Variants in RLN2 observed in about 807,000 individuals in gnomAD.
RLN2 encodes the protein relaxin 2.
RLN2 carries 10 observed loss-of-function variants against 7.3 expected under a neutral mutation model. The observed-to-expected ratio is 1.36, with a 90% CI of 0.84 to 2.31. The LOEUF (loss-of-function observed/expected upper bound fraction) is 2.31. RLN2 is among the 30% of genes most tolerant of loss of function. The pLI, the probability that RLN2 is intolerant of heterozygous loss-of-function variation, is 0.00. For missense variants in RLN2, 298 were observed against 217.6 expected, an observed-to-expected ratio of 1.37 and a Z score of -2.32; for synonymous variants, 103 against 82.3, an observed-to-expected ratio of 1.25 and a Z score of -1.36.
At chr9:5,310,573 T>C in the RLN2 span, among the ~76,000 whole-genome samples, 1 of 152,020 alleles carries the variant, frequency 6.6e-6, no homozygotes, top group East Asian at 1.9e-4. Flanking sequence ...ATAGCTTCAA[T>C]CGAACCTTTA....
the RLN2 span, among the ~76,000 whole-genome samples, chr9:5,331,636 G>A: frequency 6.6e-6 from 1 of 150,798 alleles, no homozygotes; most frequent in East Asian, 2.0e-4. Context: ...ATGGACACAG[G>A]GTGGGGAACA....
the RLN2 span, among the ~76,000 whole-genome samples, chr9:5,330,637 C>CAAAA: frequency 4.0e-5 from 3 of 74,738 alleles, no homozygotes; most frequent in African/African-American, 5.3e-5. Flanking sequence ...GACTCCATCT[C>CAAAA]AAAAAAAAAA....
At chr9:5,332,709 G>A in the RLN2 span, among the ~76,000 whole-genome samples, 12 of 151,564 alleles carry the variant, frequency 7.9e-5, no homozygotes, top group South Asian at 8.4e-4. Context: ...TGCAACTCCC[G>A]GGTTCAAGCG....
chr9:5,306,690 G>A (rs559336665), upstream of RLN2, among the ~76,000 whole-genome samples: 13 of 152,192 alleles, frequency 8.5e-5, 1 homozygote, highest in South Asian at 2.5e-3. Context: ...AATTGCTGGA[G>A]TTTGGGTTCC....
the RLN2 span, among the ~76,000 whole-genome samples, chr9:5,314,951 G>A: frequency 9.2e-5 from 14 of 151,848 alleles, no homozygotes; most frequent in African/African-American, 3.4e-4. Flanking sequence ...CTGGGCCAAT[G>A]CTATGCCATG....
chr9:5,333,287 AAAG>A, the RLN2 span, among the ~76,000 whole-genome samples: 10 of 151,932 alleles, frequency 6.6e-5, no homozygotes, highest in Non-Finnish European at 1.2e-4. Context: ...CAACACTGAT[AAAG>A]AAGAAAAAGG....
chr9:5,311,807 T>G, the RLN2 span: 1 of 682,968 alleles, frequency 1.5e-6, no homozygotes, highest in Admixed American at 2.4e-5. Flanking sequence ...ATGCAGAATT[T>G]TTTTTTTTAG....
At chr9:5,328,977 C>A in the RLN2 span, among the ~76,000 whole-genome samples, 57 of 152,030 alleles carry the variant, frequency 3.7e-4, no homozygotes, top group Admixed American at 1.4e-3. Flanking sequence ...ACTGCAAAAA[C>A]GTGCCAAATG....
chr9:5,323,932 C>T, the RLN2 span, among the ~76,000 whole-genome samples: 1 of 151,828 alleles, frequency 6.6e-6, no homozygotes, highest in Non-Finnish European at 1.5e-5. Context: ...CCTGTAGTCC[C>T]AGCTACCCAG....
chr9:5,302,385 T>C lies in RLN2; in HGVS notation c.212-1941A>G, dbSNP rs569496760. On this transcript the variant is annotated intron_variant, in intron 1 of 1. Coordinates refer to ENST00000381627, the MANE Select transcript of RLN2 (RefSeq NM_134441.3). Reference sequence around the variant, plus strand: ...CAGTGAATATGATTTTAGCACATATTGTAGGATGAAATGGATGGCTAACAA... The same window carrying C: ...CAGTGAATATGATTTTAGCACATATCGTAGGATGAAATGGATGGCTAACAA... 3.3e-5 allele frequency among the ~76,000 whole-genome samples: 5 copies of C among 152,334 alleles called. No individual in the cohort carries two copies. The South Asian group carries it at 6.2e-4, about 19-fold the overall frequency.
the RLN2 span, among the ~76,000 whole-genome samples, chr9:5,319,017 T>C: frequency 1.3e-5 from 2 of 152,012 alleles, no homozygotes; most frequent in Non-Finnish European, 2.9e-5. Context: ...CTTAACCTTA[T>C]AGTGAGATAC....
At chr9:5,330,838 G>C in the RLN2 span, among the ~76,000 whole-genome samples, 1 of 146,540 alleles carries the variant, frequency 6.8e-6, no homozygotes, top group African/African-American at 2.5e-5. Context: ...CAACAAAATA[G>C]ATAGACCACT....
At chr9:5,316,392 T>C in the RLN2 span, among the ~76,000 whole-genome samples, 1 of 151,290 alleles carries the variant, frequency 6.6e-6, no homozygotes, top group African/African-American at 2.4e-5. Context: ...TGCTGCACCA[T>C]CAACCCGATA....
the RLN2 span, chr9:5,339,320 C>G: frequency 2.7e-5 from 12 of 443,846 alleles, no homozygotes; most frequent in Admixed American, 5.9e-4. Flanking sequence ...TGCTTTCCCT[C>G]CGTCCGGTGA....
chr9:5,325,201 G>C, the RLN2 span, among the ~76,000 whole-genome samples: 2 of 151,868 alleles, frequency 1.3e-5, no homozygotes, highest in African/African-American at 4.8e-5. Flanking sequence ...GCTGTCATTT[G>C]CAAGTATACA....
chr9:5,305,651 T>A (rs1816235188), upstream of RLN2, among the ~76,000 whole-genome samples: 1 of 152,058 alleles, frequency 6.6e-6, no homozygotes, highest in African/African-American at 2.4e-5. Context: ...TACAAGTAGG[T>A]TCATTTTTTA....
At chr9:5,328,226 T>A in the RLN2 span, among the ~76,000 whole-genome samples, 1 of 152,044 alleles carries the variant, frequency 6.6e-6, no homozygotes, top group Non-Finnish European at 1.5e-5. Context: ...AATGACCTGA[T>A]GGAGCTGAAA....
chr9:5,330,076 C>A, the RLN2 span, among the ~76,000 whole-genome samples: 27 of 152,096 alleles, frequency 1.8e-4, no homozygotes, highest in East Asian at 5.2e-3. Context: ...GACCACAGTG[C>A]AATCAAATTA....
At chr9:5,313,464 G>A in the RLN2 span, among the ~76,000 whole-genome samples, 5 of 151,942 alleles carry the variant, frequency 3.3e-5, no homozygotes, top group Admixed American at 2.6e-4. Context: ...TATTCTTAAA[G>A]GAGAAGCAAG....
Sources: gnomAD v4.1 joint callset for allele counts (sites outside exome capture counted in the v4.1 genomes callset) on GRCh38, gnomAD v4.1.1 for gene constraint, MANE v1.5 for transcripts, NCBI Gene and HGNC (gene_info 2026-07-23, HGNC 2026-07-21) for gene names.